The following KCNB2 variants were observed in gnomAD, a reference collection of about 807,000 sequenced individuals.
KCNB2 encodes potassium voltage-gated channel subfamily B member 2, also known as delayed rectifier potassium channel protein.
KCNB2 carries 15 observed loss-of-function variants against 61.5 expected under a neutral mutation model. The observed-to-expected ratio is 0.24, with a 90% confidence interval of 0.16 to 0.38. The LOEUF (loss-of-function observed/expected upper bound fraction) is 0.38, where lower values mean the gene tolerates loss of function less well. Ranked by LOEUF, KCNB2 falls within the 10% of genes least tolerant of loss-of-function variation. The pLI is 1.00. For missense variants in KCNB2, 828 were observed against 1,125.2 expected, an observed-to-expected ratio of 0.74 and a Z score of 3.78; for synonymous variants, 457 against 446.0, an observed-to-expected ratio of 1.02 and a Z score of -0.31.
rs1429092695 is a variant in KCNB2, at chr8:72,937,074, G to A, written c.1719G>A (p.Glu573=). 6.2e-7 allele frequency: 1 copy of A among 1,614,056 alleles called. No homozygotes were observed. The highest frequency in any genetic ancestry group is 8.5e-7 in the Non-Finnish European group (1 of 1,180,036). ...KPERPSAYEE[E]IEMEEVVCPQ... is the part of the protein sequence containing the mutation. ...AGAGGCCATCTGCATATGAAGAAGA[G>A]ATTGAAATGGAAGAAGTGGTGTGTC... Residue 573 remains glutamate (E), a synonymous_variant, in exon 3 of 3, where the codon GAG becomes GAA. Transcript: ENST00000523207.
At chr8:72,794,868 AT>A (rs1470448679) in intron 2 of KCNB2, among the ~76,000 whole-genome samples, 2 of 152,216 alleles carry the variant, frequency 1.3e-5, no homozygotes, top group Non-Finnish European at 2.9e-5. Flanking sequence ...AGGAGAAAGT[AT>A]TTAAAGCAGA....
At chr8:72,690,473 G>A (rs764815036) in intron 2 of KCNB2, among the ~76,000 whole-genome samples, 5 of 152,198 alleles carry the variant, frequency 3.3e-5, no homozygotes, top group Non-Finnish European at 5.9e-5. Flanking sequence ...TTCTCAAGAA[G>A]TCTTCCTGCC....
chr8:72,725,601 A>ATATATGTATGTGTG (rs1554587083), intron 2 of KCNB2, among the ~76,000 whole-genome samples: 19,740 of 96,618 alleles, frequency 0.2, 2,794 homozygotes, highest in Non-Finnish European at 0.29. Context: ...GTATATATAT[A>ATATATGTATGTGTG]TATATATATA....
intron 2 of KCNB2, among the ~76,000 whole-genome samples, chr8:72,572,817 C>T (rs1251544764): frequency 6.6e-6 from 1 of 152,172 alleles, no homozygotes; most frequent in African/African-American, 2.4e-5. Flanking sequence ...CTCACTAGCA[C>T]CAGTTTTCTC....
At chr8:72,784,691 A>G (rs1253313403) in intron 2 of KCNB2, among the ~76,000 whole-genome samples, 3 of 152,184 alleles carry the variant, frequency 2.0e-5, no homozygotes, top group African/African-American at 7.2e-5. Context: ...TTCATGATCT[A>G]ATCACCTCAC....
chr8:72,737,908 A>C (rs1239044095), intron 2 of KCNB2, among the ~76,000 whole-genome samples: 2 of 152,302 alleles, frequency 1.3e-5, no homozygotes, highest in Non-Finnish European at 2.9e-5. Context: ...GTACCACTAA[A>C]AAAATATCCA....
chr8:72,561,225 C>T (rs761751488), intron 1 of KCNB2, among the ~76,000 whole-genome samples: 4 of 151,298 alleles, frequency 2.6e-5, no homozygotes, highest in Non-Finnish European at 4.4e-5. Context: ...GGCACAATCT[C>T]GGCTCATTGC....
intron 2 of KCNB2, among the ~76,000 whole-genome samples, chr8:72,825,418 G>A (rs138567829): frequency 3.0e-4 from 46 of 152,236 alleles, no homozygotes; most frequent in Admixed American, 9.8e-4. Flanking sequence ...ATCCAGAAGG[G>A]GAAATGCTGC....
chr8:72,706,000 C>T (rs1286355620), intron 2 of KCNB2, among the ~76,000 whole-genome samples: 1 of 152,154 alleles, frequency 6.6e-6, no homozygotes, highest in Non-Finnish European at 1.5e-5. Flanking sequence ...GGCAGAAGGC[C>T]CATTCCTAGA....
chr8:72,840,708 T>G (rs1349330845), intron 2 of KCNB2, among the ~76,000 whole-genome samples: 4 of 152,238 alleles, frequency 2.6e-5, no homozygotes, highest in Admixed American at 6.5e-5. Context: ...AATGTCTTCT[T>G]TTGAGAAGTG....
chr8:72,628,271 C>T (rs1014807927), intron 2 of KCNB2, among the ~76,000 whole-genome samples: 2 of 152,086 alleles, frequency 1.3e-5, no homozygotes, highest in African/African-American at 4.8e-5. Flanking sequence ...AAGTTTTTAG[C>T]ATCCATTTTT....
At chr8:72,821,760 A>G (rs1289872906) in intron 2 of KCNB2, among the ~76,000 whole-genome samples, 1 of 151,854 alleles carries the variant, frequency 6.6e-6, no homozygotes, top group Non-Finnish European at 1.5e-5. Context: ...AAGCAGTCAC[A>G]GGTAACGAAT....
At chr8:72,928,831 G>C (rs1484009000) in intron 2 of KCNB2, among the ~76,000 whole-genome samples, 1 of 151,126 alleles carries the variant, frequency 6.6e-6, no homozygotes, top group Non-Finnish European at 1.5e-5. Flanking sequence ...AGGAAAAAAA[G>C]ATTCAATTGT....
chr8:72,909,068 G>A (rs1474324529), intron 2 of KCNB2, among the ~76,000 whole-genome samples: 1 of 152,154 alleles, frequency 6.6e-6, no homozygotes, highest in East Asian at 1.9e-4. Flanking sequence ...GGGGATAGAA[G>A]GATTTTTTTT....
Position 72,672,986 on chromosome 8 carries a change from T to C in KCNB2, c.579+104673T>C, listed in dbSNP as rs187781354. On this transcript the variant is annotated intron_variant, in intron 2 of 2. Transcript: ENST00000523207. ...GCAGCTGCTGTGGAAAATTATATGA[T>C]GGTTTCTTAAAGAGTTAAACATAAC... Among the ~76,000 whole-genome samples the C allele has an allele frequency of 5.4e-4, 83 of 152,338 alleles. 3 individuals are homozygous for C. In the East Asian group the frequency reaches 0.014, roughly 25 times the overall value.
At chr8:72,593,738 A>G (rs954544291) in intron 2 of KCNB2, among the ~76,000 whole-genome samples, 4 of 152,308 alleles carry the variant, frequency 2.6e-5, no homozygotes, top group Non-Finnish European at 5.9e-5. Context: ...ACCTGCTGCC[A>G]TGGCTGAATT....
intron 2 of KCNB2, among the ~76,000 whole-genome samples, chr8:72,895,522 A>G (rs1220845820): frequency 6.6e-6 from 1 of 152,174 alleles, no homozygotes; most frequent in Admixed American, 6.6e-5. Flanking sequence ...TCCATGTCAG[A>G]CTTTTCAGCT....
At chr8:72,581,458 C>T (rs948379007) in intron 2 of KCNB2, among the ~76,000 whole-genome samples, 4 of 152,180 alleles carry the variant, frequency 2.6e-5, no homozygotes, top group African/African-American at 9.7e-5. Flanking sequence ...TAGCATAGCT[C>T]CTGACACATA....
chr8:72,931,268 C>A (rs1563428427), intron 2 of KCNB2, among the ~76,000 whole-genome samples: 1 of 152,146 alleles, frequency 6.6e-6, no homozygotes, highest in Non-Finnish European at 1.5e-5. Context: ...TTAGGATTGA[C>A]TTGGCAATGG....
Sources: gnomAD v4.1 joint callset for allele counts (sites outside exome capture counted in the v4.1 genomes callset) on GRCh38, gnomAD v4.1.1 for gene constraint, MANE v1.5 for transcripts, NCBI Gene and HGNC (gene_info 2026-07-23, HGNC 2026-07-21) for gene names.